ZNF365: variants seen among roughly 807,000 people sequenced by gnomAD.
ZNF365 encodes protein ZNF365.
ZNF365 carries 22 observed loss-of-function variants against 35.0 expected under a neutral mutation model. That is an observed-to-expected ratio of 0.63 (90% CI 0.45 to 0.90). The LOEUF is 0.90. Among genes scored for constraint, ZNF365 ranks in the 40% least tolerant of loss-of-function variants. The probability of loss-of-function intolerance (pLI) is 0.00; values close to 1 mark genes in which losing one functional copy is unlikely to be tolerated. For missense variants in ZNF365, 448 were observed against 500.3 expected (o/e 0.90, Z 1.00); for synonymous variants, 188 against 196.2 (o/e 0.96, Z 0.35).
chr10:62,375,016 C>A (rs529811423), intron 1 of ZNF365, among the ~76,000 whole-genome samples: 1 of 152,298 alleles, frequency 6.6e-6, no homozygotes, highest in Admixed American at 6.5e-5. Context: ...GCCTTGCCTG[C>A]CTCGCTGCCT....
chr10:62,448,754 TATGG>T lies in ZNF365; in HGVS notation c.925-10984_925-10981del, dbSNP rs551788197. 1.5e-3 allele frequency among the ~76,000 whole-genome samples: 234 copies of T among 152,292 alleles called. 2 individuals are homozygous for T. Among genetic ancestry groups the T allele is most frequent in the Middle Eastern group, 0.01 (3 of 292 alleles). Reference sequence around the variant, plus strand: ...GCATTGGTCTCACCTAGGTCCTAGCTATGGATCCATCATATATATGAAATAAACA... The same window carrying T: ...GCATTGGTCTCACCTAGGTCCTAGCTATCCATCATATATATGAAATAAACA... On this transcript the variant is annotated intron_variant, in intron 3 of 4. Coordinates refer to the ZNF365 transcript ENST00000395255.
intron 3 of ZNF365, among the ~76,000 whole-genome samples, chr10:62,453,886 T>C (rs955611794): frequency 6.6e-6 from 1 of 152,224 alleles, no homozygotes; most frequent in Non-Finnish European, 1.5e-5. Flanking sequence ...ATCTTTACCA[T>C]AGAACACCAT....
At chr10:62,396,594 T>A (rs1442290499) in intron 3 of ZNF365, among the ~76,000 whole-genome samples, 1 of 152,164 alleles carries the variant, frequency 6.6e-6, no homozygotes, top group Non-Finnish European at 1.5e-5. Flanking sequence ...CACAGTAAAG[T>A]CCTTTCATAT....
chr10:62,388,476 T>C lies in ZNF365; in HGVS notation c.824T>C (p.Ile275Thr), dbSNP rs745708419. 8.9e-5 allele frequency: 144 copies of C among 1,614,112 alleles called. No individual in the cohort carries two copies. Among genetic ancestry groups the C allele is most frequent in the Non-Finnish European group, 1.2e-4 (139 of 1,180,046 alleles). ...GGGAAAGCCCGGCTCCAGGACTTTA[T>C]TGAGAATCTGTTACAGCGGGTAGAA... is the stretch of plus-strand genomic sequence containing the variant. ...VQGKARLQDF[I>T]ENLLQRVELA... is the part of the protein sequence containing the mutation. Residue 275 changes from isoleucine to threonine, a missense_variant, in exon 3 of 5, where the codon ATT becomes ACT. Physicochemically the swap from Ile to Thr is moderately conservative, Grantham distance 89. Transcript: ENST00000395254.
rs180990909 is a variant in ZNF365, at chr10:62,382,421, G to A, written c.743+5485G>A. Among the ~76,000 whole-genome samples, 404 of 152,278 alleles carry A rather than the reference G, an allele frequency of 2.7e-3. 1 individual carries two copies. The highest frequency in any genetic ancestry group is 9.5e-3 in the African/African-American group (395 of 41,552). ...CCTTGCAGACTTAGAAACTCATATAGAATAAATGACGTGTCAAGCATATCC... is the reference window on the plus strand; with the variant it reads ...CCTTGCAGACTTAGAAACTCATATAAAATAAATGACGTGTCAAGCATATCC... On this transcript the variant is annotated intron_variant, in intron 2 of 4. Transcript: ENST00000395254.
At chr10:62,472,295 T>C (rs1841055016) in intron 4 of ZNF365, among the ~76,000 whole-genome samples, 1 of 152,152 alleles carries the variant, frequency 6.6e-6, no homozygotes, top group Non-Finnish European at 1.5e-5. Context: ...ATGGAATAAA[T>C]CTCCAGAAAG....
chr10:62,418,653 G>A (rs1461501669), intron 3 of ZNF365, among the ~76,000 whole-genome samples: 1 of 152,044 alleles, frequency 6.6e-6, no homozygotes, highest in African/African-American at 2.4e-5. Context: ...GAAAATACGT[G>A]GGCGAAGTAA....
intron 3 of ZNF365, among the ~76,000 whole-genome samples, chr10:62,398,355 C>T (rs1839766372): frequency 3.3e-5 from 5 of 152,178 alleles, no homozygotes; most frequent in Admixed American, 3.3e-4. Flanking sequence ...GAATGGAAAA[C>T]CAAGTATCTT....
intron 3 of ZNF365, among the ~76,000 whole-genome samples, chr10:62,416,046 G>T (rs1052036788): frequency 1.1e-4 from 16 of 152,082 alleles, no homozygotes; most frequent in African/African-American, 3.9e-4. Flanking sequence ...CTCAGAACTG[G>T]ATGTTCCTAT....
At chr10:62,407,123 A>G (rs187635558), downstream of ZNF365, among the ~76,000 whole-genome samples, 1 of 152,326 alleles carries the variant, frequency 6.6e-6, no homozygotes, top group East Asian at 1.9e-4. Flanking sequence ...CACTCCTCTT[A>G]TTGAAGCCAT....
chr10:62,392,142 A>G (rs1839641678), intron 3 of ZNF365, among the ~76,000 whole-genome samples: 2 of 152,168 alleles, frequency 1.3e-5, no homozygotes, highest in African/African-American at 4.8e-5. Context: ...GATTCTGGAT[A>G]TTAGTCCTTT....
intron 3 of ZNF365, among the ~76,000 whole-genome samples, chr10:62,447,297 A>G (rs141059897): frequency 6.6e-6 from 1 of 152,328 alleles, no homozygotes; most frequent in East Asian, 1.9e-4. Flanking sequence ...ACTAAACTAA[A>G]AAATATATAT....
At chr10:62,402,882 G>A (rs1206166744), downstream of ZNF365, among the ~76,000 whole-genome samples, 5 of 152,188 alleles carry the variant, frequency 3.3e-5, no homozygotes, top group African/African-American at 9.6e-5. Flanking sequence ...TATGTGTCTG[G>A]TGGAATTAGC....
chr10:62,397,273 CTT>C (rs66507720), intron 3 of ZNF365, among the ~76,000 whole-genome samples: 69 of 149,336 alleles, frequency 4.6e-4, no homozygotes, highest in East Asian at 3.9e-4. Flanking sequence ...CCTGAGCCTC[CTT>C]TTTTTTTTTT....
At chr10:62,450,636 GGAAAAAGCAAA>G (rs2132472643) in intron 3 of ZNF365, among the ~76,000 whole-genome samples, 2 of 152,172 alleles carry the variant, frequency 1.3e-5, no homozygotes, top group East Asian at 3.9e-4. Flanking sequence ...GTTAGGAGAG[GGAAAAAGCAAA>G]GAAACAGAAC....
chr10:62,389,010 G>A (rs143028349), intron 3 of ZNF365, among the ~76,000 whole-genome samples: 106 of 152,116 alleles, frequency 7.0e-4, no homozygotes, highest in African/African-American at 2.3e-3. Context: ...CCTTAATGGG[G>A]GGCAAGCACT....
chr10:62,422,790 T>C (rs1238592760), intron 3 of ZNF365, among the ~76,000 whole-genome samples: 2 of 152,122 alleles, frequency 1.3e-5, no homozygotes, highest in Admixed American at 1.3e-4. Context: ...AATTGGGTGT[T>C]CGTAGAGTAC....
chr10:62,431,332 G>A (rs898321773), intron 3 of ZNF365, among the ~76,000 whole-genome samples: 2 of 152,282 alleles, frequency 1.3e-5, no homozygotes, highest in East Asian at 1.9e-4. Flanking sequence ...ACAAAGTTAT[G>A]TGTATATAAA....
chr10:62,455,327 G>A (rs1176831180), intron 3 of ZNF365, among the ~76,000 whole-genome samples: 1 of 152,140 alleles, frequency 6.6e-6, no homozygotes, highest in East Asian at 1.9e-4. Context: ...ATTATGTAAT[G>A]GGCCCCTGTG....
Sources: gnomAD v4.1 joint callset for allele counts (sites outside exome capture counted in the v4.1 genomes callset) on GRCh38, gnomAD v4.1.1 for gene constraint, MANE v1.5 for transcripts, NCBI Gene and HGNC (gene_info 2026-07-23, HGNC 2026-07-21) for gene names.